The following GPR39 variants were observed in gnomAD, a reference collection of about 807,000 sequenced individuals.
The protein encoded by GPR39 is G protein-coupled receptor 39, also known as zinc sensing receptor.
In GPR39, 23 loss-of-function variants were observed where a neutral mutation model predicts 18.4. The observed-to-expected ratio is 1.25, with a 90% CI of 0.90 to 1.77. GPR39 has a LOEUF of 1.77. Among genes scored for constraint, GPR39 ranks in the 40% most tolerant of loss-of-function variants. The pLI is 0.00. For missense variants in GPR39, 647 were observed against 602.4 expected (o/e 1.07, Z -0.78); for synonymous variants, 280 against 257.9 (o/e 1.09, Z -0.82).
At chr2:132,475,611 C>G (rs749563140) in intron 1 of GPR39, among the ~76,000 whole-genome samples, 2 of 151,976 alleles carry the variant, frequency 1.3e-5, no homozygotes, top group Non-Finnish European at 2.9e-5. Context: ...CACCCTTACT[C>G]GTTAGGGCTC....
At chr2:132,539,252 G>A (rs369752694) in intron 1 of GPR39, among the ~76,000 whole-genome samples, 4 of 152,132 alleles carry the variant, frequency 2.6e-5, no homozygotes, top group East Asian at 3.9e-4. Context: ...TATAGTACCC[G>A]GGTAGGTGGG....
chr2:132,444,184 A>T (rs114549431), intron 1 of GPR39, among the ~76,000 whole-genome samples: 2,377 of 152,300 alleles, frequency 0.016, 68 homozygotes, highest in African/African-American at 0.054. Context: ...GTGGCCTTCC[A>T]TTTGTATTCT....
chr2:132,610,853 G>C (rs535913225), intron 1 of GPR39, among the ~76,000 whole-genome samples: 1 of 151,848 alleles, frequency 6.6e-6, no homozygotes, highest in African/African-American at 2.4e-5. Context: ...TCAACTCATG[G>C]CTTCCAAGGC....
intron 1 of GPR39, among the ~76,000 whole-genome samples, chr2:132,613,727 C>G (rs982674277): frequency 1.3e-5 from 2 of 152,192 alleles, no homozygotes; most frequent in African/African-American, 2.4e-5. Context: ...TCATCTTGTT[C>G]TTTCTCATTT....
chr2:132,475,907 A>G (rs1681117522), intron 1 of GPR39, among the ~76,000 whole-genome samples: 1 of 152,192 alleles, frequency 6.6e-6, no homozygotes, highest in Non-Finnish European at 1.5e-5. Context: ...TCTTCTGCCA[A>G]TCAAATGATG....
chr2:132,443,383 C>T (rs1680474439), intron 1 of GPR39, among the ~76,000 whole-genome samples: 1 of 152,200 alleles, frequency 6.6e-6, no homozygotes, highest in African/African-American at 2.4e-5. Context: ...AAGCGATACA[C>T]ATTCGGGAGA....
At chr2:132,489,843 A>G (rs1681422387) in intron 1 of GPR39, among the ~76,000 whole-genome samples, 1 of 151,916 alleles carries the variant, frequency 6.6e-6, no homozygotes, top group African/African-American at 2.4e-5. Context: ...ATTTATGATC[A>G]ATTTAGTCAG....
intron 1 of GPR39, among the ~76,000 whole-genome samples, chr2:132,482,665 C>T (rs1016210272): frequency 6.6e-6 from 1 of 152,196 alleles, no homozygotes; most frequent in Admixed American, 6.5e-5. Context: ...TACATTCCCT[C>T]ACAAAATCTT....
chr2:132,553,204 C>T (rs1044270761), intron 1 of GPR39, among the ~76,000 whole-genome samples: 4 of 151,664 alleles, frequency 2.6e-5, no homozygotes, highest in East Asian at 2.0e-4. Context: ...TGAGCCACCA[C>T]GCCCAGCCAC....
At chr2:132,554,331 A>G (rs1000954592) in intron 1 of GPR39, among the ~76,000 whole-genome samples, 1 of 152,200 alleles carries the variant, frequency 6.6e-6, no homozygotes, top group African/African-American at 2.4e-5. Flanking sequence ...GAGTCCCTGA[A>G]GGCCATGTGC....
chr2:132,455,080 G>T (rs980080395), intron 1 of GPR39, among the ~76,000 whole-genome samples: 2 of 152,182 alleles, frequency 1.3e-5, no homozygotes, highest in African/African-American at 4.8e-5. Flanking sequence ...TTGTACCTCT[G>T]GTAGAATTCG....
rs2241763 is a variant in GPR39, at chr2:132,417,426, A to G, written c.384A>G (p.Thr128=). 549,449 of 1,613,696 alleles carry G rather than the reference A, an allele frequency of 0.34. 95,904 individuals carry two copies. The highest frequency in any genetic ancestry group is 0.54 in the African/African-American group (40,665 of 74,904). Reference sequence around the variant, plus strand: ...ACGCTACGCTGCTGCACGTGCTGACACTCAGCTTTGAGCGCTACATCGCCA... The same window carrying G: ...ACGCTACGCTGCTGCACGTGCTGACGCTCAGCTTTGAGCGCTACATCGCCA... ...CSYATLLHVL[T]LSFERYIAIC... The change falls in exon 1 of 2, where the codon ACA becomes ACG. Residue 128 remains threonine, a synonymous_variant. Coordinates refer to ENST00000329321, the MANE Select transcript of GPR39 (RefSeq NM_001508.3).
chr2:132,611,794 A>G (rs1297084962), intron 1 of GPR39, among the ~76,000 whole-genome samples: 3 of 152,054 alleles, frequency 2.0e-5, no homozygotes, highest in Non-Finnish European at 2.9e-5. Context: ...ATTGACTTGC[A>G]TTTGTTCTAA....
intron 1 of GPR39, among the ~76,000 whole-genome samples, chr2:132,500,718 T>G (rs1351018526): frequency 6.6e-6 from 1 of 152,132 alleles, no homozygotes; most frequent in Non-Finnish European, 1.5e-5. Flanking sequence ...CTGGACTTTT[T>G]TTGTTGGCAA....
chr2:132,440,936 T>G (rs1016997139), intron 1 of GPR39, among the ~76,000 whole-genome samples: 1 of 152,134 alleles, frequency 6.6e-6, no homozygotes, highest in Non-Finnish European at 1.5e-5. Flanking sequence ...CCCTCCAGCC[T>G]ACTTGCCTTT....
At chr2:132,459,913 C>T (rs1680802172) in intron 1 of GPR39, among the ~76,000 whole-genome samples, 1 of 152,196 alleles carries the variant, frequency 6.6e-6, no homozygotes, top group Non-Finnish European at 1.5e-5. Context: ...TAGTTACAGC[C>T]TTTGGGATCA....
At chr2:132,644,687 A>AACAC (rs1452685536) in intron 1 of GPR39, among the ~76,000 whole-genome samples, 2 of 151,900 alleles carry the variant, frequency 1.3e-5, no homozygotes, top group African/African-American at 2.4e-5. Flanking sequence ...TTAAAATACA[A>AACAC]ACACTGCTTT....
At chr2:132,417,945 C>T (rs1308857535) in intron 1 of GPR39, 47 bp downstream of exon 1, 4 of 1,531,118 alleles carry the variant, frequency 2.6e-6, no homozygotes, top group Non-Finnish European at 3.5e-6. Flanking sequence ...CCCAACCTTC[C>T]CCCACGACCC....
chr2:132,460,442 T>C (rs1680810266), intron 1 of GPR39, among the ~76,000 whole-genome samples: 1 of 152,058 alleles, frequency 6.6e-6, no homozygotes. Flanking sequence ...AAAGGAGTCA[T>C]TGGAGTAGAA....
Sources: gnomAD v4.1 joint callset for allele counts (sites outside exome capture counted in the v4.1 genomes callset) on GRCh38, gnomAD v4.1.1 for gene constraint, MANE v1.5 for transcripts, NCBI Gene and HGNC (gene_info 2026-07-23, HGNC 2026-07-21) for gene names.